The following EMILIN2 variants were observed in gnomAD, a reference collection of about 807,000 sequenced individuals.
EMILIN2 encodes EMILIN-2.
In EMILIN2, 71 loss-of-function variants were observed where a neutral mutation model predicts 87.1. The ratio of observed to expected loss-of-function variants is 0.82; its 90% CI spans 0.67 to 0.99. EMILIN2 has a LOEUF of 0.99. Among genes scored for constraint, EMILIN2 ranks in the 50% least tolerant of loss-of-function variants. The probability of loss-of-function intolerance (pLI) is 0.00; values close to 1 mark genes in which losing one functional copy is unlikely to be tolerated. For missense variants in EMILIN2, 1,407 were observed against 1,371.8 expected (o/e 1.03, Z -0.40); for synonymous variants, 581 against 563.4 (o/e 1.03, Z -0.44).
chr18:2,909,617 C>T, intron 6 of EMILIN2, 74 bp from the exon 7 acceptor site: 1 of 1,569,182 alleles, frequency 6.4e-7, no homozygotes, highest in Non-Finnish European at 8.6e-7. Context: ...GCACGTAGGC[C>T]TCAGTTTTCC....
At chr18:2,908,704 C>T (rs954114447) in intron 5 of EMILIN2, among the ~76,000 whole-genome samples, 5 of 152,202 alleles carry the variant, frequency 3.3e-5, no homozygotes, top group Non-Finnish European at 5.9e-5. Flanking sequence ...CCAGCTTGCC[C>T]TCAGTGCCCT....
chr18:2,872,670 T>C (rs2076726240), intron 2 of EMILIN2, among the ~76,000 whole-genome samples: 1 of 152,244 alleles, frequency 6.6e-6, no homozygotes, highest in African/African-American at 2.4e-5. Context: ...CCTTTACATG[T>C]TTTTTGCTAA....
Position 2,891,722 on chromosome 18 carries a change from A to G in EMILIN2, c.1595A>G (p.Asp532Gly), listed in dbSNP as rs759364921. The G allele has an allele frequency of 2.4e-5, 39 of 1,614,022 alleles. No individual in the cohort carries two copies. The highest frequency in any genetic ancestry group is 1.4e-4 in the South Asian group (13 of 91,086). ...AALPGVSGSGDERVMMELNHL... is the reference protein window; with the variant it reads ...AALPGVSGSGGERVMMELNHL... ...CTGCCAGGAGTGTCAGGGTCAGGAG[A>G]TGAACGGGTCATGATGGAATTAAAC... The change falls in exon 4 of 8, where the codon GAT becomes GGT. Residue 532 changes from aspartate (D) to glycine (G), a missense_variant. Physicochemically the swap from Asp to Gly is moderately conservative, Grantham distance 94. Transcript: ENST00000254528. The surrounding 1 kb of genome is among the most constrained non-coding windows in gnomAD (Gnocchi z 4.6).
At chr18:2,863,900 G>T (rs1480877668) in intron 2 of EMILIN2, among the ~76,000 whole-genome samples, 1 of 152,096 alleles carries the variant, frequency 6.6e-6, no homozygotes, top group Non-Finnish European at 1.5e-5. Context: ...GAATCTTGGT[G>T]CTCCTGTATT....
chr18:2,907,601 A>G (rs1004002946), intron 5 of EMILIN2, among the ~76,000 whole-genome samples: 6 of 152,216 alleles, frequency 3.9e-5, no homozygotes, highest in African/African-American at 1.4e-4. Context: ...CCCACTGGGA[A>G]GTGCTCCCCA....
At chr18:2,884,158 G>A (rs1432945254) in intron 2 of EMILIN2, among the ~76,000 whole-genome samples, 3 of 152,090 alleles carry the variant, frequency 2.0e-5, no homozygotes, top group Non-Finnish European at 2.9e-5. Context: ...GGGTTTCACC[G>A]TGTTAGCCAG....
intron 7 of EMILIN2, 104 bp downstream of exon 7, chr18:2,909,923 G>C: frequency 2.7e-6 from 4 of 1,502,050 alleles, no homozygotes; most frequent in Non-Finnish European, 3.6e-6. Context: ...GTGGGCTCAG[G>C]GAGGACGCCA....
chr18:2,861,805 T>A (rs2076662504), intron 2 of EMILIN2, among the ~76,000 whole-genome samples: 1 of 152,232 alleles, frequency 6.6e-6, no homozygotes. Flanking sequence ...TGGCATTGAA[T>A]CTCTAAATTA....
chr18:2,879,695 TTAAGTA>T (rs889819293), intron 2 of EMILIN2, among the ~76,000 whole-genome samples: 1 of 142,554 alleles, frequency 7.0e-6, no homozygotes, highest in Admixed American at 7.0e-5. Flanking sequence ...AAAAAGAAAG[TTAAGTA>T]TATTAATTTG....
intron 2 of EMILIN2, among the ~76,000 whole-genome samples, chr18:2,855,660 C>T (rs545005268): frequency 2.6e-4 from 39 of 152,168 alleles, no homozygotes; most frequent in Non-Finnish European, 4.3e-4. Context: ...GGGTGGGTGG[C>T]TGACGTGCTT....
chr18:2,913,314 G>A lies in EMILIN2; in HGVS notation c.3072G>A (p.Val1024=). ...CGGGAGATGCAGTCAACGTCGTGGT[G>A]ACTGGGGGCAAGCTGGCTCACACAG... The part of the protein sequence containing the change: ...LKAGDAVNVV[V]TGGKLAHTDF... The change falls in exon 8 of 8, where the codon GTG becomes GTA. Residue 1024 remains valine, a synonymous_variant. Transcript: ENST00000254528. The A allele has an allele frequency of 6.2e-7, 1 of 1,613,160 alleles. No individual in the cohort carries two copies.
intron 2 of EMILIN2, among the ~76,000 whole-genome samples, chr18:2,850,509 G>A (rs1403276353): frequency 6.6e-6 from 1 of 151,654 alleles, no homozygotes; most frequent in East Asian, 2.0e-4. Flanking sequence ...CGGCTCAAGC[G>A]ATCCTCCTAC....
chr18:2,898,178 T>G (rs1300810328), intron 4 of EMILIN2, among the ~76,000 whole-genome samples: 1 of 152,190 alleles, frequency 6.6e-6, no homozygotes, highest in Non-Finnish European at 1.5e-5. Flanking sequence ...GAGTGACCCA[T>G]GAGTGATTCA....
intron 2 of EMILIN2, among the ~76,000 whole-genome samples, chr18:2,877,428 G>T: frequency 7.8e-6 from 1 of 128,050 alleles, no homozygotes. Context: ...TTTATTCATT[G>T]ACTGACAGTT....
At chr18:2,889,200 C>T (rs1445429813) in intron 3 of EMILIN2, among the ~76,000 whole-genome samples, 1 of 133,718 alleles carries the variant, frequency 7.5e-6, no homozygotes, top group Non-Finnish European at 1.5e-5. Context: ...TACAGCGGCA[C>T]TATGTCGGCT....
rs1376786744 is a variant in EMILIN2 at position 2,890,081 on chromosome 18, C to T, written c.434-480C>T. ...GATATCATATGATATCACCATCCAA[C>T]AGCTAATGGGTGGATCTTGCTAAAG... On this transcript the variant is annotated intron_variant, in intron 3 of 7. Transcript: ENST00000254528. The surrounding 1 kb of genome is among the most constrained non-coding windows in gnomAD (Gnocchi z 4.7). Among the ~76,000 whole-genome samples, 5 of 152,310 alleles carry T rather than the reference C, an allele frequency of 3.3e-5. No individual in the cohort carries two copies. The highest frequency in any genetic ancestry group is 5.9e-5 in the Non-Finnish European group (4 of 68,018).
chr18:2,856,221 A>T (rs2076626707), intron 2 of EMILIN2, among the ~76,000 whole-genome samples: 1 of 152,150 alleles, frequency 6.6e-6, no homozygotes, highest in East Asian at 1.9e-4. Flanking sequence ...AAAAAATAAA[A>T]TAAAATTTAA....
chr18:2,854,998 T>C (rs1359355938), intron 2 of EMILIN2, among the ~76,000 whole-genome samples: 1 of 152,244 alleles, frequency 6.6e-6, no homozygotes, highest in Non-Finnish European at 1.5e-5. Context: ...ATCAATTGGC[T>C]GTTAGGAGGC....
Position 2,914,778 on chromosome 18 carries a change from TC to T in EMILIN2, c.*1376del, listed in dbSNP as rs200028196. On this transcript the variant is annotated 3_prime_UTR_variant, in exon 8 of 8. Transcript: ENST00000254528. ...GGGTGGCCACTGGACACTTCAGAGTTCCTTATTTACTCCCCCCGCCACAGCT... is the reference window on the plus strand; with the variant it reads ...GGGTGGCCACTGGACACTTCAGAGTTCTTATTTACTCCCCCCGCCACAGCT... 1.1e-5 allele frequency: 1 copy of T among 90,344 alleles called. No individual in the cohort carries two copies. Among genetic ancestry groups the T allele is most frequent in the Non-Finnish European group, 2.4e-5 (1 of 41,284 alleles). The allele number at this position is 90,344 out of a possible 1,614,324, so 5.6% of individuals were successfully genotyped here.
Sources: gnomAD v4.1 joint callset for allele counts (sites outside exome capture counted in the v4.1 genomes callset) on GRCh38, gnomAD v4.1.1 for gene constraint, Gnocchi (gnomAD v3.1) non-coding constraint, MANE v1.5 for transcripts, NCBI Gene and HGNC (gene_info 2026-07-23, HGNC 2026-07-21) for gene names.